Variants in UQCRC1 observed in about 807,000 individuals in gnomAD.
The protein encoded by UQCRC1 is cytochrome b-c1 complex subunit 1, mitochondrial.
A neutral mutation model predicts 58.0 loss-of-function variants in UQCRC1; 34 were observed. The ratio of observed to expected loss-of-function variants is 0.59; its 90% CI spans 0.45 to 0.78. The LOEUF is 0.78. UQCRC1 is among the 30% of genes least tolerant of loss of function. The probability of loss-of-function intolerance (pLI) is 0.00; values close to 1 mark genes in which losing one functional copy is unlikely to be tolerated. For missense variants in UQCRC1, 610 were observed against 646.0 expected, an observed-to-expected ratio of 0.94 and a Z score of 0.60; for synonymous variants, 276 against 248.8, an observed-to-expected ratio of 1.11 and a Z score of -1.03.
At chr3:48,604,830 G>A in intron 3 of UQCRC1, 50 bp from the exon 4 acceptor site, 1 of 1,609,336 alleles carries the variant, frequency 6.2e-7, no homozygotes, top group Non-Finnish European at 8.5e-7. Context: ...AGGAACCCAA[G>A]AACCCTGTCC....
chr3:48,600,439 G>A, intron 10 of UQCRC1, 43 bp downstream of exon 10: 1 of 1,608,458 alleles, frequency 6.2e-7, no homozygotes, highest in Admixed American at 1.7e-5. Context: ...GCTGTCGCTG[G>A]CAAGATGTAC....
intron 2 of UQCRC1, among the ~76,000 whole-genome samples, chr3:48,606,114 C>A (rs1207211758): frequency 6.6e-6 from 1 of 152,218 alleles, no homozygotes; most frequent in Admixed American, 6.5e-5. Flanking sequence ...TCTAACTGTG[C>A]ACATTTACCT....
Position 48,609,574 on chromosome 3 carries a change from A to G in UQCRC1, c.47T>C (p.Val16Ala), listed in dbSNP as rs905768321. 4.6e-5 allele frequency: 72 copies of G among 1,571,328 alleles called. No individual in the cohort carries two copies. The highest frequency in any genetic ancestry group is 5.4e-5 in the Non-Finnish European group (63 of 1,163,806). Residue 16 changes from valine (V) to alanine (A), a missense_variant, in exon 1 of 13, where the codon GTG becomes GCG. Physicochemically the swap from Val to Ala is moderately conservative, Grantham distance 64 (BLOSUM62 0). Coordinates refer to ENST00000203407, the MANE Select transcript of UQCRC1 (RefSeq NM_003365.3). ...VCRAATAGAQVLLRARRSPAL... is the reference protein window; with the variant it reads ...VCRAATAGAQALLRARRSPAL... ...CACCGAGCGGCGGGCGCGCAATAGC[A>G]CTTGTGCCCCGGCGGTAGCGGCCCG...
chr3:48,608,600 T>G (rs2046434601), intron 2 of UQCRC1, among the ~76,000 whole-genome samples: 1 of 152,218 alleles, frequency 6.6e-6, no homozygotes, highest in Admixed American at 6.5e-5. Context: ...GCCCTGGGGC[T>G]GGGGGCTGAA....
At position 48,599,676 on chromosome 3, in the gene UQCRC1, G is replaced by A. The variant is rs1490493441; in HGVS notation, c.1337C>T (p.Ser446Phe). 3 of 1,613,868 alleles carry A rather than the reference G, an allele frequency of 1.9e-6. No homozygotes were observed. The highest frequency in any genetic ancestry group is 1.7e-6 in the Non-Finnish European group (2 of 1,179,984). Residue 446 changes from serine to phenylalanine, a missense_variant, in exon 12 of 13, where the codon TCC (serine) becomes TTC (phenylalanine). Physicochemically the swap from Ser to Phe is radical, Grantham distance 155. Transcript: ENST00000203407. ...VDASVVREIC[S>F]KYIYDQCPAV... ...TGGGCACTGGTCATAGATGTACTTG[G>A]AGCAGATCTCACGTACCACACTGGC...
Position 48,609,572 on chromosome 3 carries a change from G to T in UQCRC1, c.49C>A (p.Leu17Ile). The change falls in exon 1 of 13, where the codon CTA (leucine) becomes ATA (isoleucine). Residue 17 changes from leucine (L) to isoleucine (I), a missense_variant. Leu to Ile is a conservative substitution (Grantham distance 5). Coordinates refer to ENST00000203407, the MANE Select transcript of UQCRC1 (RefSeq NM_003365.3). Reference sequence around the variant, plus strand: ...CTCACCGAGCGGCGGGCGCGCAATAGCACTTGTGCCCCGGCGGTAGCGGCC... The same window carrying T: ...CTCACCGAGCGGCGGGCGCGCAATATCACTTGTGCCCCGGCGGTAGCGGCC... ...CRAATAGAQVLLRARRSPALL... is the reference protein window; with the variant it reads ...CRAATAGAQVILRARRSPALL... 1 of 1,570,508 alleles carries T rather than the reference G, an allele frequency of 6.4e-7. No individual in the cohort carries two copies.
chr3:48,601,306 C>CA (rs748387692), intron 7 of UQCRC1, 46 bp downstream of exon 7: 46 of 1,599,378 alleles, frequency 2.9e-5, no homozygotes, highest in Non-Finnish European at 3.8e-5. Context: ...GGGGTCCTCC[C>CA]ACAGGCCCCC....
chr3:48,604,795 C>T lies in UQCRC1; in HGVS notation c.298-15G>A. 1 of 1,613,716 alleles carries T rather than the reference C, an allele frequency of 6.2e-7. No homozygotes were observed. On this transcript the variant is annotated splice_polypyrimidine_tract_variant and intron_variant, in intron 3 of 12. Transcript: ENST00000203407. Reference sequence around the variant, plus strand: ...TTCTTTGTTCCCTGGAACCAGATATCAACCAGAACAATCAGGAGCTACACA... The same window carrying T: ...TTCTTTGTTCCCTGGAACCAGATATTAACCAGAACAATCAGGAGCTACACA...
At position 48,599,063 on chromosome 3, in the gene UQCRC1, G is replaced by A. The variant is rs1209756041; in HGVS notation, c.*65C>T. ...CACAGGTTAGAGGAGCCGAAGTGCT[G>A]TGTTTGTGGTGGGGGGGGGACCACA... On this transcript the variant is annotated 3_prime_UTR_variant, in exon 13 of 13. Coordinates refer to ENST00000203407, the MANE Select transcript of UQCRC1 (RefSeq NM_003365.3). The A allele has an allele frequency of 3.2e-6, 5 of 1,583,852 alleles. No homozygotes were observed. The highest frequency in any genetic ancestry group is 4.3e-6 in the Non-Finnish European group (5 of 1,156,926).
Position 48,600,745 on chromosome 3 carries a change from C to T in UQCRC1, c.1062G>A (p.Leu354=), listed in dbSNP as rs199646305. 2 of 1,614,068 alleles carry T rather than the reference C, an allele frequency of 1.2e-6. No homozygotes were observed. The highest frequency in any genetic ancestry group is 2.7e-5 in the African/African-American group (2 of 74,952). The stretch of plus-strand genomic sequence containing the variant: ...TTCGGTCACAGACAAAGTGTGCACC[C>T]AGCAAGCCCGTCTCTGCATAGCAGA... The part of the protein sequence containing the change: ...FSICYAETGL[L]GAHFVCDRMK... Residue 354 remains leucine (L), a synonymous_variant, in exon 9 of 13, where the codon CTG becomes CTA. Transcript: ENST00000203407.
In UQCRC1 at chr3:48,599,817, G is replaced by A. The variant is rs1204886189; in HGVS notation, c.1303-107C>T. On this transcript the variant is annotated intron_variant, in intron 11 of 12. Transcript: ENST00000203407. ...GATCTCCCACAGGCAGCATGCAGCT[G>A]TCCCCAGCCCAAAAGAGGAAAGGCA... 19 of 1,266,856 alleles carry A rather than the reference G, an allele frequency of 1.5e-5. No homozygotes were observed. In the East Asian group the frequency reaches 4.0e-4, roughly 27 times the overall value. The allele number at this position is 1,266,856 out of a possible 1,614,324, so 78.5% of individuals were successfully genotyped here.
At chr3:48,603,265 C>G (rs995274392) in intron 6 of UQCRC1, among the ~76,000 whole-genome samples, 3 of 152,188 alleles carry the variant, frequency 2.0e-5, no homozygotes, top group African/African-American at 7.2e-5. Flanking sequence ...CCACAAGGAA[C>G]AAGGCCAGGA....
At chr3:48,599,819 C>T (rs2046345433) in intron 11 of UQCRC1, 109 bp from the exon 12 acceptor site, 9 of 1,258,020 alleles carry the variant, frequency 7.2e-6, no homozygotes, top group Non-Finnish European at 9.2e-6. Flanking sequence ...ATGCAGCTGT[C>T]CCCAGCCCAA....
At chr3:48,607,142 T>C (rs1233558469) in intron 2 of UQCRC1, among the ~76,000 whole-genome samples, 2 of 149,978 alleles carry the variant, frequency 1.3e-5, no homozygotes, top group Non-Finnish European at 3.0e-5. Context: ...CCCAGGTTCA[T>C]GGCATTCTCC....
chr3:48,606,212 AAAT>A (rs1454140500), intron 2 of UQCRC1, among the ~76,000 whole-genome samples: 4 of 152,362 alleles, frequency 2.6e-5, no homozygotes, highest in African/African-American at 9.6e-5. Context: ...TATCATTTGC[AAAT>A]AACAACTTAT....
Position 48,599,165 on chromosome 3 carries a change from T to A in UQCRC1, c.1406A>T (p.Asn469Ile), listed in dbSNP as rs757343756. The A allele has an allele frequency of 6.2e-7, 1 of 1,609,988 alleles. No homozygotes were observed. Among genetic ancestry groups the A allele is most frequent in the East Asian group, 2.2e-5 (1 of 44,726 alleles). The change falls in exon 13 of 13, where the codon AAC (asparagine) becomes ATC (isoleucine). Residue 469 changes from asparagine to isoleucine, a missense_variant. Physicochemically the swap from Asn to Ile is moderately radical, Grantham distance 149. Transcript: ENST00000203407. Reference protein sequence around the residue: ...YGPIEQLPDYNRIRSGMFWLR... With the variant: ...YGPIEQLPDYIRIRSGMFWLR... ...CCAGAACATGCCGCTACGGATCCGG[T>A]TGTAGTCTGGGAGCTGCTCAATGGG...
Position 48,599,057 on chromosome 3 carries a change from A to G in UQCRC1, c.*71T>C. 6.4e-7 allele frequency: 1 copy of G among 1,568,514 alleles called. No individual in the cohort carries two copies. Among genetic ancestry groups the G allele is most frequent in the Non-Finnish European group, 8.7e-7 (1 of 1,144,430 alleles). On this transcript the variant is annotated 3_prime_UTR_variant, in exon 13 of 13. Coordinates refer to ENST00000203407, the MANE Select transcript of UQCRC1 (RefSeq NM_003365.3). The stretch of plus-strand genomic sequence containing the variant: ...CTGTGGCACAGGTTAGAGGAGCCGA[A>G]GTGCTGTGTTTGTGGTGGGGGGGGG...
intron 6 of UQCRC1, among the ~76,000 whole-genome samples, chr3:48,603,063 A>G (rs980352049): frequency 2.3e-4 from 35 of 151,974 alleles, no homozygotes; most frequent in African/African-American, 8.2e-4. Flanking sequence ...ACCCCACCTA[A>G]ATAACACTCA....
At chr3:48,605,305 T>C (rs1265386648) in intron 3 of UQCRC1, among the ~76,000 whole-genome samples, 1 of 152,218 alleles carries the variant, frequency 6.6e-6, no homozygotes, top group Non-Finnish European at 1.5e-5. Context: ...CCTGTGACAT[T>C]GCAGCTGGCT....
Sources: allele counts gnomAD v4.1 joint callset (sites outside exome capture counted in the v4.1 genomes callset), GRCh38; gene constraint gnomAD v4.1.1; transcripts MANE v1.5; gene names NCBI Gene and HGNC (gene_info 2026-07-23, HGNC 2026-07-21).